SARAF: variants seen among roughly 807,000 people sequenced by gnomAD.
The protein encoded by SARAF is store-operated calcium entry-associated regulatory factor.
In SARAF, 23 loss-of-function variants were observed where a neutral mutation model predicts 39.7. The ratio of observed to expected loss-of-function variants is 0.58; its 90% confidence interval spans 0.42 to 0.82. The LOEUF (loss-of-function observed/expected upper bound fraction) is 0.82, where lower values mean the gene tolerates loss of function less well. Among genes scored for constraint, SARAF ranks in the 40% least tolerant of loss-of-function variants. The pLI is 0.00. For missense variants in SARAF, 384 were observed against 418.5 expected, an observed-to-expected ratio of 0.92 and a Z score of 0.72; for synonymous variants, 175 against 168.5, an observed-to-expected ratio of 1.04 and a Z score of -0.30.
intron 2 of SARAF, among the ~76,000 whole-genome samples, chr8:30,071,677 A>G (rs995876536): frequency 6.6e-6 from 1 of 152,182 alleles, no homozygotes; most frequent in African/African-American, 2.4e-5. Context: ...ATTTCCCTAA[A>G]TGGACAGTTC....
chr8:30,069,691 G>A lies in SARAF; in HGVS notation c.651C>T (p.Phe217=), dbSNP rs1482742224. 6.2e-7 allele frequency: 1 copy of A among 1,614,158 alleles called. No homozygotes were observed. The highest frequency in any genetic ancestry group is 8.5e-7 in the Non-Finnish European group (1 of 1,180,030). Reference sequence around the variant, plus strand: ...GGGGAGGAGGTCCTGCTGAGTTGGTGAATCTCTGGTAACGGTGGGAAAATG... The same window carrying A: ...GGGGAGGAGGTCCTGCTGAGTTGGTAAATCTCTGGTAACGGTGGGAAAATG... The part of the protein sequence containing the change: ...YPPFSHRYQR[F]TNSAGPPPPG... The change falls in exon 3 of 6, where the codon TTC becomes TTT. Residue 217 remains phenylalanine (F), a synonymous_variant. Coordinates refer to ENST00000256255, the MANE Select transcript of SARAF (RefSeq NM_016127.6).
rs146738839 is a variant in SARAF at position 30,074,035 on chromosome 8, C to T, written c.124G>A (p.Val42Ile). Residue 42 changes from valine to isoleucine, a missense_variant, in exon 2 of 6, where the codon GTA (valine) becomes ATA (isoleucine). Val to Ile is a conservative substitution (Grantham distance 29). Transcript: ENST00000256255. Reference sequence around the variant, plus strand: ...TCATAGTGGAGGGTAAGAGCTTTTACATCCCGCAGCAACATTCTGTCTGAA... The same window carrying T: ...TCATAGTGGAGGGTAAGAGCTTTTATATCCCGCAGCAACATTCTGTCTGAA... Reference protein sequence around the residue: ...NDPDRMLLRDVKALTLHYDRY... With the variant: ...NDPDRMLLRDIKALTLHYDRY... 114 of 1,613,792 alleles carry T rather than the reference C, an allele frequency of 7.1e-5. No homozygotes were observed. In the African/African-American group the frequency reaches 1.3e-3, roughly 19 times the overall value.
intron 3 of SARAF, 46 bp from the exon 4 acceptor site, chr8:30,066,964 A>C (rs763270321): frequency 6.5e-7 from 1 of 1,530,420 alleles, no homozygotes; most frequent in Admixed American, 1.7e-5. Flanking sequence ...TAAACATGAC[A>C]GTCTACAAAA....
At chr8:30,067,679 G>C (rs1801722657) in intron 3 of SARAF, among the ~76,000 whole-genome samples, 1 of 152,098 alleles carries the variant, frequency 6.6e-6, no homozygotes, top group South Asian at 2.1e-4. Context: ...TATGTCTATG[G>C]GAGTCAATCC....
intron 1 of SARAF, among the ~76,000 whole-genome samples, chr8:30,079,158 CAAA>C (rs60893961): frequency 5.5e-5 from 3 of 54,688 alleles, no homozygotes; most frequent in African/African-American, 5.9e-5. Context: ...AACTCCATCT[CAAA>C]AAAAAAAAAA....
At chr8:30,078,872 AT>A (rs1342391289) in intron 1 of SARAF, among the ~76,000 whole-genome samples, 2 of 152,146 alleles carry the variant, frequency 1.3e-5, no homozygotes, top group African/African-American at 4.8e-5. Flanking sequence ...AATTATTATC[AT>A]CAGCCAGGCA....
At chr8:30,081,103 C>T (rs1315177859) in intron 1 of SARAF, among the ~76,000 whole-genome samples, 1 of 152,188 alleles carries the variant, frequency 6.6e-6, no homozygotes, top group East Asian at 1.9e-4. Context: ...CGCGCCATTG[C>T]ACTCTAGCCT....
Position 30,064,562 on chromosome 8 carries a change from T to TATTTTTTATTTTTA in SARAF, c.995-650_995-649insTAAAAATAAAAAAT, listed in dbSNP as rs1182365966. Among the ~76,000 whole-genome samples, 20 of 18,658 alleles carry TATTTTTTATTTTTA rather than the reference T, an allele frequency of 1.1e-3. 1 individual carries two copies. Among genetic ancestry groups the TATTTTTTATTTTTA allele is most frequent in the Non-Finnish European group, 1.9e-3 (20 of 10,294 alleles). The allele number at this position is 18,658 out of a possible 152,430, so 12.2% of individuals were successfully genotyped here. A position where few individuals can be genotyped will look rare whatever the true frequency, so the allele number is the denominator to read the frequency against. Reference sequence around the variant, plus strand: ...ATATATATATATATATATATATATATTTTTTTTTTTTTTTTTTGAGACAGA... The same window carrying TATTTTTTATTTTTA: ...ATATATATATATATATATATATATATATTTTTTATTTTTATTTTTTTTTTTTTTTTTGAGACAGA... On this transcript the variant is annotated intron_variant, in intron 5 of 5. Coordinates refer to ENST00000256255, the MANE Select transcript of SARAF (RefSeq NM_016127.6).
At chr8:30,071,344 C>T (rs1801837538) in intron 2 of SARAF, among the ~76,000 whole-genome samples, 1 of 152,122 alleles carries the variant, frequency 6.6e-6, no homozygotes, top group Admixed American at 6.6e-5. Context: ...GAGGGAGACT[C>T]CGTCTCAAAA....
chr8:30,064,552 TATATATA>T lies in SARAF; in HGVS notation c.995-646_995-640del, dbSNP rs1453427485. 2.6e-3 allele frequency among the ~76,000 whole-genome samples: 74 copies of T among 28,574 alleles called. 2 individuals are homozygous for T. Among genetic ancestry groups the T allele is most frequent in the African/African-American group, 4.5e-3 (35 of 7,848 alleles). The allele number at this position is 28,574 out of a possible 152,430, so 18.7% of individuals were successfully genotyped here. The stretch of plus-strand genomic sequence containing the variant: ...ACCTAGCCATATATATATATATATA[TATATATA>T]TATTTTTTTTTTTTTTTTTTGAGAC... On this transcript the variant is annotated intron_variant, in intron 5 of 5. Coordinates refer to ENST00000256255, the MANE Select transcript of SARAF (RefSeq NM_016127.6).
At chr8:30,070,352 G>A (rs1371595300) in intron 2 of SARAF, among the ~76,000 whole-genome samples, 1 of 151,970 alleles carries the variant, frequency 6.6e-6, no homozygotes, top group Non-Finnish European at 1.5e-5. Context: ...AGGTTGCAGT[G>A]AGCTGAGATC....
chr8:30,079,076 G>A (rs1279678052), intron 1 of SARAF, among the ~76,000 whole-genome samples: 3 of 146,972 alleles, frequency 2.0e-5, no homozygotes, highest in Non-Finnish European at 4.4e-5. Flanking sequence ...AGAATCACTT[G>A]AATCCAGGAG....
intron 1 of SARAF, among the ~76,000 whole-genome samples, chr8:30,076,005 C>CAA (rs1246796084): frequency 8.1e-5 from 9 of 111,032 alleles, no homozygotes; most frequent in Non-Finnish European, 1.5e-4. Context: ...AAAAAAAAAA[C>CAA]AAAAAACGGG....
chr8:30,077,745 T>C (rs1054816505), intron 1 of SARAF, among the ~76,000 whole-genome samples: 2 of 149,136 alleles, frequency 1.3e-5, no homozygotes, highest in South Asian at 2.1e-4. Context: ...GAGGTTGCAG[T>C]GAGCCAAGAT....
rs532160629 is a variant in SARAF at position 30,075,119 on chromosome 8, G to A, written c.104-1064C>T. Among the ~76,000 whole-genome samples the A allele has an allele frequency of 1.6e-4, 25 of 152,042 alleles. No homozygotes were observed. The South Asian group carries it at 2.5e-3, about 15-fold the overall frequency. On this transcript the variant is annotated intron_variant, in intron 1 of 5. Coordinates refer to ENST00000256255, the MANE Select transcript of SARAF (RefSeq NM_016127.6). ...AGTTCGAGACCAGCCTAGCCAACAC[G>A]GCGAAACCCCATCTCTACTAAATAT...
intron 2 of SARAF, among the ~76,000 whole-genome samples, chr8:30,073,279 A>T (rs967061084): frequency 1.3e-5 from 2 of 152,244 alleles, no homozygotes; most frequent in African/African-American, 4.8e-5. Flanking sequence ...ATATGTAACT[A>T]GTGATTTAAA....
intron 1 of SARAF, among the ~76,000 whole-genome samples, chr8:30,081,037 G>A (rs1802086680): frequency 6.6e-6 from 1 of 152,182 alleles, no homozygotes; most frequent in Non-Finnish European, 1.5e-5. Flanking sequence ...TACTCGGGAG[G>A]CTGAGGCAGG....
intron 5 of SARAF, 145 bp downstream of exon 5, chr8:30,065,843 A>T (rs1801670759): frequency 2.3e-6 from 2 of 872,486 alleles, no homozygotes; most frequent in African/African-American, 3.4e-5. Context: ...TAAAAGTGGG[A>T]TCTCAGTTAA....
intron 2 of SARAF, among the ~76,000 whole-genome samples, chr8:30,072,856 C>A (rs1801877111): frequency 6.6e-6 from 1 of 152,188 alleles, no homozygotes; most frequent in African/African-American, 2.4e-5. Context: ...TGTGTTGGGA[C>A]CTACATGTAA....
Sources: allele counts gnomAD v4.1 joint callset (sites outside exome capture counted in the v4.1 genomes callset), GRCh38; gene constraint gnomAD v4.1.1; transcripts MANE v1.5; gene names NCBI Gene and HGNC (gene_info 2026-07-23, HGNC 2026-07-21).